The following PPARGC1A variants were observed in gnomAD, a reference collection of about 807,000 sequenced individuals.
PPARGC1A encodes PPARG coactivator 1 alpha.
Under a neutral mutation model 88.7 loss-of-function variants are expected in PPARGC1A, and 25 were observed. The ratio of observed to expected loss-of-function variants is 0.28; its 90% confidence interval spans 0.21 to 0.39. The LOEUF is 0.39. Among genes scored for constraint, PPARGC1A ranks in the 10% least tolerant of loss-of-function variants. PPARGC1A has a pLI of 1.00. For synonymous variants in PPARGC1A, 363 were observed against 355.6 expected (o/e 1.02, Z -0.24); for missense variants, 880 against 968.7 (o/e 0.91, Z 1.22).
the PPARGC1A span, among the ~76,000 whole-genome samples, chr4:24,003,709 G>T: frequency 6.6e-6 from 1 of 152,252 alleles, no homozygotes; most frequent in East Asian, 1.9e-4. Context: ...GGAAGGCAGG[G>T]ATCAGCTGCT....
At chr4:24,160,995 A>T in the PPARGC1A span, among the ~76,000 whole-genome samples, 4 of 152,184 alleles carry the variant, frequency 2.6e-5, no homozygotes, top group Non-Finnish European at 5.9e-5. Flanking sequence ...AACTCTTAGA[A>T]TGAAAGTTTT....
intron 2 of PPARGC1A, chr4:23,881,335 T>C (rs1247627772): frequency 6.6e-6 from 1 of 152,154 alleles, no homozygotes; most frequent in Non-Finnish European, 1.5e-5. Context: ...CAAACACAGG[T>C]TGCGTAAGCA....
chr4:24,364,847 C>T, the PPARGC1A span, among the ~76,000 whole-genome samples: 1 of 152,208 alleles, frequency 6.6e-6, no homozygotes, highest in Non-Finnish European at 1.5e-5. Flanking sequence ...CTAGTAAGCT[C>T]TCAATAAATG....
chr4:24,269,685 AC>A, the PPARGC1A span, among the ~76,000 whole-genome samples: 12 of 91,496 alleles, frequency 1.3e-4, no homozygotes, highest in East Asian at 3.3e-3. Flanking sequence ...TCATCATCAC[AC>A]AAAAAAACTC....
At chr4:24,458,744 G>A in the PPARGC1A span, among the ~76,000 whole-genome samples, 1 of 152,080 alleles carries the variant, frequency 6.6e-6, no homozygotes, top group African/African-American at 2.4e-5. Flanking sequence ...CAATGATACA[G>A]GATGGTTAAA....
chr4:24,373,780 T>C, the PPARGC1A span, among the ~76,000 whole-genome samples: 1 of 152,220 alleles, frequency 6.6e-6, no homozygotes, highest in Non-Finnish European at 1.5e-5. Flanking sequence ...GAGGTCAGAA[T>C]TTGCCACTGC....
the PPARGC1A span, among the ~76,000 whole-genome samples, chr4:24,325,780 C>G: frequency 6.6e-6 from 1 of 152,144 alleles, no homozygotes; most frequent in Non-Finnish European, 1.5e-5. Context: ...TTAATCAATA[C>G]AGAGGCTACC....
intron 2 of PPARGC1A, among the ~76,000 whole-genome samples, chr4:23,859,315 C>A (rs1730780020): frequency 6.6e-6 from 1 of 152,160 alleles, no homozygotes; most frequent in South Asian, 2.1e-4. Flanking sequence ...CGAGCCATGT[C>A]AGACATGATC....
chr4:23,829,573 A>G lies in PPARGC1A; in HGVS notation c.442T>C (p.Leu148=). The G allele has an allele frequency of 1.2e-6, 2 of 1,611,720 alleles. No homozygotes were observed. The highest frequency in any genetic ancestry group is 2.2e-5 in the South Asian group (2 of 90,660). ...AEEPSLLKKL[L]LAPANTQLSY... is the part of the protein sequence containing the mutation. ...AGCTGAGTGTTGGCTGGTGCCAGTA[A>G]GAGCTTCTTAAGCTAGAAACATTAT... Residue 148 remains leucine (L), a synonymous_variant, in exon 4 of 13, where the codon TTA becomes CTA. Coordinates refer to ENST00000264867, the MANE Select transcript of PPARGC1A (RefSeq NM_013261.5).
chr4:24,428,882 A>C, the PPARGC1A span, among the ~76,000 whole-genome samples: 3 of 152,198 alleles, frequency 2.0e-5, no homozygotes, highest in Admixed American at 6.5e-5. Flanking sequence ...AGGCCATGGG[A>C]TAATCTCAGG....
At chr4:24,320,558 G>A in the PPARGC1A span, among the ~76,000 whole-genome samples, 1 of 152,148 alleles carries the variant, frequency 6.6e-6, no homozygotes, top group African/African-American at 2.4e-5. Flanking sequence ...ATATGTTTAA[G>A]CATCAGGAAC....
chr4:23,823,369 T>C lies in PPARGC1A; in HGVS notation c.877+911A>G, dbSNP rs1474867478. Among the ~76,000 whole-genome samples, 6 of 151,928 alleles carry C rather than the reference T, an allele frequency of 3.9e-5. No individual in the cohort carries two copies. The East Asian group carries it at 7.7e-4, about 20-fold the overall frequency. ...GATGAATCAATAGACCCCCAAATAG[T>C]AAAAAATAAGCTTAAGGTAAAGATC... On this transcript the variant is annotated intron_variant, in intron 7 of 12. Transcript: ENST00000264867.
chr4:23,800,967 CTT>C (rs72052228), intron 12 of PPARGC1A, among the ~76,000 whole-genome samples: 49 of 121,996 alleles, frequency 4.0e-4, no homozygotes, highest in Admixed American at 4.9e-4. Context: ...GTGTTTCTTT[CTT>C]TTTTTTTTTT....
chr4:24,470,277 G>GACACAGACACACAC, the PPARGC1A span, among the ~76,000 whole-genome samples: 15 of 110,674 alleles, frequency 1.4e-4, no homozygotes, highest in Admixed American at 1.8e-4. This position sits in a 1 kb window ranked among gnomAD's most constrained non-coding sequence, Gnocchi z 5.8. Context: ...GACAGACACA[G>GACACAGACACACAC]ACACACACAC....
intron 2 of PPARGC1A, among the ~76,000 whole-genome samples, chr4:23,870,092 T>C (rs1712967918): frequency 6.6e-6 from 1 of 152,238 alleles, no homozygotes; most frequent in African/African-American, 2.4e-5. Flanking sequence ...ACTTACAGGA[T>C]AATATATAAA....
chr4:23,806,794 G>A (rs888065578), intron 10 of PPARGC1A, among the ~76,000 whole-genome samples: 9 of 152,116 alleles, frequency 5.9e-5, no homozygotes, highest in Admixed American at 3.9e-4. Flanking sequence ...CCAGTTACTG[G>A]AGGAAAACAT....
chr4:24,392,692 T>C, the PPARGC1A span, among the ~76,000 whole-genome samples: 1 of 152,090 alleles, frequency 6.6e-6, no homozygotes, highest in Non-Finnish European at 1.5e-5. Flanking sequence ...GTACCAGATC[T>C]TTTTGTCCTT....
At chr4:24,366,566 A>C in the PPARGC1A span, among the ~76,000 whole-genome samples, 3 of 152,176 alleles carry the variant, frequency 2.0e-5, no homozygotes, top group South Asian at 6.2e-4. Context: ...GTTTCAAGAG[A>C]ATTGGGTGAC....
At chr4:24,400,155 G>A in the PPARGC1A span, among the ~76,000 whole-genome samples, 1 of 152,278 alleles carries the variant, frequency 6.6e-6, no homozygotes, top group South Asian at 2.1e-4. Context: ...ACTTGTGATG[G>A]TTAATACTGA....
Sources: gnomAD v4.1 joint callset for allele counts (sites outside exome capture counted in the v4.1 genomes callset) on GRCh38, gnomAD v4.1.1 for gene constraint, Gnocchi (gnomAD v3.1) non-coding constraint, MANE v1.5 for transcripts, NCBI Gene and HGNC (gene_info 2026-07-23, HGNC 2026-07-21) for gene names.